Variants in NICOL1 observed in about 807,000 individuals in gnomAD.
The protein encoded by NICOL1 is NELL2 interacting cell ontogeny regulator 1.
chr4:2,043,736 A>G, the NICOL1 span: 3 of 713,018 alleles, frequency 4.2e-6, no homozygotes, highest in Non-Finnish European at 7.0e-6. Context: ...TGGGGGTTAG[A>G]GCCAGGGCCT....
the NICOL1 span, among the ~76,000 whole-genome samples, chr4:2,040,486 GCCCGGCGCGTCC>G: frequency 6.6e-6 from 1 of 152,220 alleles, no homozygotes; most frequent in South Asian, 2.1e-4. Context: ...GACGCCTGCG[GCCCGGCGCGTCC>G]CCGGAGGCAC....
At chr4:2,041,273 G>A in the NICOL1 span, among the ~76,000 whole-genome samples, 3 of 152,136 alleles carry the variant, frequency 2.0e-5, no homozygotes, top group African/African-American at 7.2e-5. Flanking sequence ...CTCCCAGGGC[G>A]TCCGGGGCCC....
chr4:2,037,786 A>G, the NICOL1 span, among the ~76,000 whole-genome samples: 1 of 151,896 alleles, frequency 6.6e-6, no homozygotes, highest in Admixed American at 6.6e-5. Context: ...AAGATAAAAA[A>G]TTGAAACAAA....
the NICOL1 span, among the ~76,000 whole-genome samples, chr4:2,043,598 C>T: frequency 9.2e-5 from 14 of 152,224 alleles, no homozygotes; most frequent in African/African-American, 1.9e-4. Context: ...TGGACCCCTG[C>T]GGGTGGTGTG....
the NICOL1 span, chr4:2,041,981 T>G: frequency 6.9e-7 from 1 of 1,455,224 alleles, no homozygotes; most frequent in Non-Finnish European, 9.0e-7. Context: ...CCGGGCGGGG[T>G]CGGGTCGGAG....
At chr4:2,038,259 A>G in the NICOL1 span, among the ~76,000 whole-genome samples, 23 of 68,368 alleles carry the variant, frequency 3.4e-4, no homozygotes, top group African/African-American at 1.2e-3. Flanking sequence ...ATATATATAT[A>G]TATATATATA....
At chr4:2,040,123 T>C in the NICOL1 span, among the ~76,000 whole-genome samples, 1 of 152,132 alleles carries the variant, frequency 6.6e-6, no homozygotes, top group Non-Finnish European at 1.5e-5. Flanking sequence ...TATATATTTT[T>C]TGAGATGGAG....
the NICOL1 span, among the ~76,000 whole-genome samples, chr4:2,037,963 A>G: frequency 6.6e-6 from 1 of 151,346 alleles, no homozygotes; most frequent in Non-Finnish European, 1.5e-5. Flanking sequence ...TTTACCACAA[A>G]TACTATTTTG....
At chr4:2,041,921 G>A in the NICOL1 span, 3 of 1,405,666 alleles carry the variant, frequency 2.1e-6, no homozygotes, top group Non-Finnish European at 2.8e-6. Context: ...CTCTAAACCC[G>A]CGGCCAGCGC....
the NICOL1 span, among the ~76,000 whole-genome samples, chr4:2,041,294 T>C: frequency 6.6e-6 from 1 of 151,908 alleles, no homozygotes; most frequent in Admixed American, 6.5e-5. Flanking sequence ...AGATTCGCAC[T>C]TGCCGGGCGC....
At chr4:2,038,237 G>GTGTGTATA in the NICOL1 span, among the ~76,000 whole-genome samples, 144 of 91,454 alleles carry the variant, frequency 1.6e-3, 4 homozygotes, top group African/African-American at 4.5e-3. Flanking sequence ...TGATCAGTGT[G>GTGTGTATA]TATATATATA....
chr4:2,042,348 G>C, the NICOL1 span: 1 of 518,916 alleles, frequency 1.9e-6, no homozygotes, highest in Non-Finnish European at 3.3e-6. Context: ...TCCCTCTGCT[G>C]GCCATGGCCC....
At chr4:2,039,835 G>T in the NICOL1 span, among the ~76,000 whole-genome samples, 3 of 151,822 alleles carry the variant, frequency 2.0e-5, no homozygotes, top group African/African-American at 7.3e-5. Context: ...GTAAGACTCT[G>T]TTTCAAAAAA....
the NICOL1 span, among the ~76,000 whole-genome samples, chr4:2,040,679 G>A: frequency 6.6e-6 from 1 of 152,204 alleles, no homozygotes; most frequent in African/African-American, 2.4e-5. Context: ...CTCCCCAGGC[G>A]CCTGGGACAG....
the NICOL1 span, among the ~76,000 whole-genome samples, chr4:2,039,075 G>C: frequency 6.6e-6 from 1 of 152,118 alleles, no homozygotes; most frequent in Non-Finnish European, 1.5e-5. Context: ...GGTGAGCGTT[G>C]TGCTTGTCCT....
the NICOL1 span, among the ~76,000 whole-genome samples, chr4:2,040,515 C>G: frequency 3.9e-5 from 6 of 152,206 alleles, no homozygotes; most frequent in Non-Finnish European, 7.4e-5. Context: ...GCACGTCCCC[C>G]CCAGGGCTCC....
the NICOL1 span, chr4:2,041,665 G>C: frequency 3.4e-6 from 1 of 290,846 alleles, no homozygotes; most frequent in South Asian, 1.2e-4. Flanking sequence ...TGCATGCGCA[G>C]CTCCCCGCGC....
the NICOL1 span, chr4:2,043,750 C>A: frequency 1.2e-6 from 1 of 832,714 alleles, no homozygotes; most frequent in South Asian, 1.7e-5. Flanking sequence ...AGGGCCTGAC[C>A]TTGTCTGTCT....
At chr4:2,041,719 C>T in the NICOL1 span, 9 of 430,224 alleles carry the variant, frequency 2.1e-5, no homozygotes, top group Non-Finnish European at 3.7e-5. Flanking sequence ...TCCTGACCTG[C>T]TGAGCTCCAG....
Sources: allele counts gnomAD v4.1 joint callset (sites outside exome capture counted in the v4.1 genomes callset), GRCh38; gene constraint gnomAD v4.1.1; transcripts MANE v1.5; gene names NCBI Gene and HGNC (gene_info 2026-07-23, HGNC 2026-07-21).